The following USP19 variants were observed in gnomAD, a reference collection of about 807,000 sequenced individuals.
The protein encoded by USP19 is ubiquitin carboxyl-terminal hydrolase 19.
A neutral mutation model predicts 144.8 loss-of-function variants in USP19; 40 were observed. The observed-to-expected ratio is 0.28, with a 90% CI of 0.21 to 0.36. USP19 has a LOEUF of 0.36. USP19 is among the 10% of genes least tolerant of loss of function. USP19 has a pLI of 1.00. For missense variants in USP19, 1,518 were observed against 1,822.5 expected, an observed-to-expected ratio of 0.83 and a Z score of 3.04; for synonymous variants, 701 against 709.3, an observed-to-expected ratio of 0.99 and a Z score of 0.19.
rs778084590 is a variant in USP19 at position 49,119,194 on chromosome 3, G to A, written c.-49C>T. On this transcript the variant is annotated 5_prime_UTR_variant, in exon 2 of 27. It adds an upstream start codon to the 5' untranslated region. Coordinates refer to ENST00000417901, the MANE Select transcript of USP19 (RefSeq NM_001199161.2). ...AGAGTGCCCCGGGGTCGGCAACAGC[G>A]TCTGGGTCAGGGCTGCGGCGCTTTC... 16 of 1,590,248 alleles carry A rather than the reference G, an allele frequency of 1.0e-5. No individual in the cohort carries two copies. The highest frequency in any genetic ancestry group is 1.2e-5 in the Non-Finnish European group (14 of 1,170,262).
In USP19 at chr3:49,116,913, G is replaced by C. The variant is rs1198862581; in HGVS notation, c.940C>G (p.Pro314Ala). Residue 314 changes from proline to alanine, a missense_variant, in exon 7 of 27, where the codon CCG becomes GCG. By Grantham distance (27) the Pro-to-Ala change is conservative. Transcript: ENST00000417901. The surrounding 1 kb of genome is among the most constrained non-coding windows in gnomAD (Gnocchi z 5.0). ...AGGAGGCAGGTTTGGGAGTTCAGCGGTGGTATGCAAAGCTGTTCATCAGCC... is the reference window on the plus strand; with the variant it reads ...AGGAGGCAGGTTTGGGAGTTCAGCGCTGGTATGCAAAGCTGTTCATCAGCC... ...VEADEQLCIP[P>A]LNSQTCLLGS... 6.2e-7 allele frequency: 1 copy of C among 1,614,062 alleles called. No individual in the cohort carries two copies. Among genetic ancestry groups the C allele is most frequent in the Non-Finnish European group, 8.5e-7 (1 of 1,180,022 alleles).
At position 49,114,361 on chromosome 3, in the gene USP19, C is replaced by T. The variant is rs954953474; in HGVS notation, c.2293-77G>A. ...ATGCTCATGCTCAGAGAGCCCATTC[C>T]GGGGCTTCTGATGGCTCTCAGGGCC... On this transcript the variant is annotated intron_variant, in intron 15 of 26. Transcript: ENST00000417901. This position sits in a 1 kb window ranked among gnomAD's most constrained non-coding sequence, Gnocchi z 4.5. 3.8e-5 allele frequency: 55 copies of T among 1,431,022 alleles called. No individual in the cohort carries two copies. The highest frequency in any genetic ancestry group is 4.5e-5 in the Non-Finnish European group (47 of 1,033,140). 88.6% of individuals were successfully genotyped at this position (1,431,022 alleles called of 1,614,324 possible). A position where few individuals can be genotyped will look rare whatever the true frequency, so the allele number is the denominator to read the frequency against.
chr3:49,114,210 A>G lies in USP19; in HGVS notation c.2367T>C (p.Phe789=), dbSNP rs894556591. 5 of 1,614,090 alleles carry G rather than the reference A, an allele frequency of 3.1e-6. No individual in the cohort carries two copies. In the African/African-American group the frequency reaches 5.3e-5, roughly 17 times the overall value. ...LPQKQKVLPV[F]YFAREPHSKP... The stretch of plus-strand genomic sequence containing the variant: ...TGCTGTGGGGCTCTCGGGCAAAATA[A>G]AAGACAGGGAGAACCTTTTGCTTTT... The change falls in exon 16 of 27, where the codon TTT becomes TTC. Residue 789 remains phenylalanine (F), a synonymous_variant. Coordinates refer to ENST00000417901, the MANE Select transcript of USP19 (RefSeq NM_001199161.2). This position sits in a 1 kb window ranked among gnomAD's most constrained non-coding sequence, Gnocchi z 4.5.
chr3:49,117,340 C>T lies in USP19; in HGVS notation c.628G>A (p.Glu210Lys). Residue 210 changes from glutamate (E) to lysine (K), a missense_variant, in exon 6 of 27, where the codon GAG becomes AAG. This residue lies in a region of USP19 where 707 missense variants were observed against 728.9 expected (regional missense o/e 0.97). Coordinates refer to ENST00000417901, the MANE Select transcript of USP19 (RefSeq NM_001199161.2). This position sits in a 1 kb window ranked among gnomAD's most constrained non-coding sequence, Gnocchi z 4.4. Reference protein sequence around the residue: ...SLLKKPLGTQELVPGLRCQEN... With the variant: ...SLLKKPLGTQKLVPGLRCQEN... ...TGGCACCGCAGCCCCGGCACCAGCT[C>T]CTGGGTCCCTAGAGGTTTCTTCTGC... is the stretch of plus-strand genomic sequence containing the variant. The T allele has an allele frequency of 1.3e-6, 2 of 1,590,492 alleles. No individual in the cohort carries two copies. The highest frequency in any genetic ancestry group is 1.7e-6 in the Non-Finnish European group (2 of 1,165,356).
chr3:49,111,169 G>A lies in USP19; in HGVS notation c.3329-3C>T, dbSNP rs767662820. 1.9e-6 allele frequency: 3 copies of A among 1,613,962 alleles called. No homozygotes were observed. In the Admixed American group the frequency reaches 5.0e-5, roughly 27 times the overall value. On this transcript the variant is annotated splice_region_variant and splice_polypyrimidine_tract_variant and intron_variant, in intron 22 of 26. Transcript: ENST00000417901. The surrounding 1 kb of genome is among the most constrained non-coding windows in gnomAD (Gnocchi z 5.9). ...ACCCAGCTCCAGTGGGGTGTCTCCT[G>A]GAGATTCGCAGGGAGAGAGGTCATG...
In USP19 at chr3:49,111,521, C is replaced by G; in HGVS notation, c.3196G>C (p.Glu1066Gln). Residue 1066 changes from glutamate to glutamine, a missense_variant, in exon 21 of 27, where the codon GAG becomes CAG. Glu to Gln is a conservative substitution (Grantham distance 29). Transcript: ENST00000417901. The surrounding 1 kb of genome is among the most constrained non-coding windows in gnomAD (Gnocchi z 5.9). ...PIEVGSLPAG[E>Q]RVSRPEAAVP... ...TTACCTTCGGGTCGGGACACCCTCT[C>G]GCCAGCTGGCAAGGAGCCAACCTCA... The G allele has an allele frequency of 6.2e-7, 1 of 1,611,634 alleles. No homozygotes were observed. Among genetic ancestry groups the G allele is most frequent in the Non-Finnish European group, 8.5e-7 (1 of 1,179,946 alleles).
At position 49,114,100 on chromosome 3, in the gene USP19, C is replaced by CA. The variant is rs35267591; in HGVS notation, c.2404-8dup. 6.2e-7 allele frequency: 1 copy of CA among 1,614,154 alleles called. No individual in the cohort carries two copies. Among genetic ancestry groups the CA allele is most frequent in the East Asian group, 2.2e-5 (1 of 44,886 alleles). ...TGCTGACGCTCACCAGGAACTGTGG[C>CA]AAAAAGGGCAGTCAGTGAGGGAGGT... On this transcript the variant is annotated splice_polypyrimidine_tract_variant and splice_region_variant and intron_variant, in intron 16 of 26. Transcript: ENST00000417901. The surrounding 1 kb of genome is among the most constrained non-coding windows in gnomAD (Gnocchi z 4.5).
chr3:49,115,861 G>C lies in USP19; in HGVS notation c.1555C>G (p.Leu519Val), dbSNP rs755917653. The C allele has an allele frequency of 6.2e-6, 10 of 1,605,170 alleles. No individual in the cohort carries two copies. The South Asian group carries it at 1.1e-4, about 18-fold the overall frequency. ...STPPGGAPHPLTGQEEARAVE... is the reference protein window; with the variant it reads ...STPPGGAPHPVTGQEEARAVE... The stretch of plus-strand genomic sequence containing the variant: ...GCCCGGGCCTCCTCCTGGCCTGTCA[G>C]GGGGTGGGGAGCACCTCCTGGTGGG... The change falls in exon 11 of 27, where the codon CTG (leucine) becomes GTG (valine). Residue 519 changes from leucine to valine, a missense_variant. By Grantham distance (32) the Leu-to-Val change is conservative (BLOSUM62 1). Around this residue, in one of 5 missense-constraint regions of USP19, gnomAD observed 707 missense variants for 728.9 expected, o/e 0.97. Coordinates refer to ENST00000417901, the MANE Select transcript of USP19 (RefSeq NM_001199161.2). This position sits in a 1 kb window ranked among gnomAD's most constrained non-coding sequence, Gnocchi z 6.6.
At chr3:49,120,435 G>C (rs974515833) in intron 1 of USP19, 3 of 152,196 alleles carry the variant, frequency 2.0e-5, no homozygotes, top group East Asian at 1.9e-4. Context: ...AGAGACCCGA[G>C]CCGGCCTGAA....
rs1318251187 is a variant in USP19, at chr3:49,117,625, C to T, written c.472+32G>A. The T allele has an allele frequency of 1.2e-6, 2 of 1,613,976 alleles. No individual in the cohort carries two copies. The highest frequency in any genetic ancestry group is 2.2e-5 in the East Asian group (1 of 44,898). ...GATAGGAGATATCAGAAGATTCAAA[C>T]ATACTACTGTGCTCAGGGCAGATGG... On this transcript the variant is annotated intron_variant, in intron 4 of 26. Coordinates refer to ENST00000417901, the MANE Select transcript of USP19 (RefSeq NM_001199161.2). This position sits in a 1 kb window ranked among gnomAD's most constrained non-coding sequence, Gnocchi z 4.4.
chr3:49,113,294 T>A (rs2043482284), intron 17 of USP19, among the ~76,000 whole-genome samples: 1 of 152,190 alleles, frequency 6.6e-6, no homozygotes, highest in African/African-American at 2.4e-5. Flanking sequence ...ATTTTATTTT[T>A]GAGACAGAGT....
intron 17 of USP19, 24 bp downstream of exon 17, chr3:49,113,968 T>C (rs770404803): frequency 6.6e-5 from 107 of 1,612,022 alleles, no homozygotes; most frequent in Non-Finnish European, 8.7e-5. Context: ...ACACATGTGA[T>C]AGCCCAAGGA....
At position 49,114,433 on chromosome 3, in the gene USP19, G is replaced by A. The variant is rs975187589; in HGVS notation, c.2293-149C>T. On this transcript the variant is annotated intron_variant, in intron 15 of 26. Coordinates refer to ENST00000417901, the MANE Select transcript of USP19 (RefSeq NM_001199161.2). The surrounding 1 kb of genome is among the most constrained non-coding windows in gnomAD (Gnocchi z 4.5). ...CTCAGGCTTCAGGACACTAGACAGG[G>A]CAGGAGGACCACCAGGAAATAACAA... 2.8e-6 allele frequency: 2 copies of A among 706,598 alleles called. No individual in the cohort carries two copies. Among genetic ancestry groups the A allele is most frequent in the South Asian group, 1.9e-5 (1 of 53,954 alleles). 43.8% of individuals were successfully genotyped at this position (706,598 alleles called of 1,614,324 possible).
chr3:49,114,385 C>A lies in USP19; in HGVS notation c.2293-101G>T. 7 of 1,100,036 alleles carry A rather than the reference C, an allele frequency of 6.4e-6. No homozygotes were observed. The highest frequency in any genetic ancestry group is 9.3e-6 in the Non-Finnish European group (7 of 755,858). The allele number at this position is 1,100,036 out of a possible 1,614,324, so 68.1% of individuals were successfully genotyped here. The stretch of plus-strand genomic sequence containing the variant: ...CCGGGGCTTCTGATGGCTCTCAGGG[C>A]CCCCACAGCCAACCAGCAAACTCTC... On this transcript the variant is annotated intron_variant, in intron 15 of 26. Coordinates refer to ENST00000417901, the MANE Select transcript of USP19 (RefSeq NM_001199161.2). This position sits in a 1 kb window ranked among gnomAD's most constrained non-coding sequence, Gnocchi z 4.5.
Position 49,114,777 on chromosome 3 carries a change from G to A in USP19, c.2278C>T (p.Pro760Ser). ...QGQYKSKLVC[P>S]VCAKVSITFD... ...GCCCATCACACCTTGGCACACACAGGGCACACCAGCTTCGACTTGTACTGC... is the reference window on the plus strand; with the variant it reads ...GCCCATCACACCTTGGCACACACAGAGCACACCAGCTTCGACTTGTACTGC... Residue 760 changes from proline to serine, a missense_variant, in exon 15 of 27, where the codon CCT becomes TCT. By Grantham distance (74) the Pro-to-Ser change is moderately conservative. This residue lies in a region of USP19 where 158 missense variants were observed against 277.3 expected (regional missense o/e 0.57). Coordinates refer to ENST00000417901, the MANE Select transcript of USP19 (RefSeq NM_001199161.2). This position sits in a 1 kb window ranked among gnomAD's most constrained non-coding sequence, Gnocchi z 4.5. 1 of 1,614,120 alleles carries A rather than the reference G, an allele frequency of 6.2e-7. No individual in the cohort carries two copies. The highest frequency in any genetic ancestry group is 8.5e-7 in the Non-Finnish European group (1 of 1,180,022).
rs747637553 is a variant in USP19 at position 49,111,954 on chromosome 3, G to T, written c.2860C>A (p.Leu954Ile). Residue 954 changes from leucine to isoleucine, a missense_variant, in exon 20 of 27, where the codon CTC (leucine) becomes ATC (isoleucine). Physicochemically the swap from Leu to Ile is conservative, Grantham distance 5. This residue lies in a region of USP19 where 413 missense variants were observed against 515.8 expected (regional missense o/e 0.80). Transcript: ENST00000417901. This position sits in a 1 kb window ranked among gnomAD's most constrained non-coding sequence, Gnocchi z 5.9. ...PFLVSVPASR[L>I]TYARLAQLLE... ...AACTGAGCGAGGCGGGCATAAGTGAGGCGTGAGGCAGGTACACTGACCAGG... is the reference window on the plus strand; with the variant it reads ...AACTGAGCGAGGCGGGCATAAGTGATGCGTGAGGCAGGTACACTGACCAGG... The T allele has an allele frequency of 6.2e-7, 1 of 1,614,112 alleles. No individual in the cohort carries two copies. The highest frequency in any genetic ancestry group is 1.7e-5 in the Admixed American group (1 of 60,030).
At chr3:49,119,603 C>T in intron 1 of USP19, among the ~76,000 whole-genome samples, 1 of 152,326 alleles carries the variant, frequency 6.6e-6, no homozygotes, top group East Asian at 1.9e-4. Context: ...CTCCAGCCCA[C>T]AGGGCTGGCA....
At position 49,110,762 on chromosome 3, in the gene USP19, C is replaced by T. The variant is rs761049999; in HGVS notation, c.3647G>A (p.Arg1216His). 11 of 1,614,030 alleles carry T rather than the reference C, an allele frequency of 6.8e-6. No individual in the cohort carries two copies. Among genetic ancestry groups the T allele is most frequent in the African/African-American group, 2.7e-5 (2 of 74,924 alleles). The change falls in exon 24 of 27, where the codon CGT becomes CAT. Residue 1216 changes from arginine to histidine, a missense_variant. This residue lies in a region of USP19 where 122 missense variants were observed against 200.4 expected (regional missense o/e 0.61). Transcript: ENST00000417901. The surrounding 1 kb of genome is among the most constrained non-coding windows in gnomAD (Gnocchi z 6.1). ...GATCTTGTCACGCCAGATAAAACTA[C>T]GAAAGGAGAAGCGCTTGAGCTGCAC... ...LIVQLKRFSF[R>H]SFIWRDKIND...
chr3:49,112,154 C>G lies in USP19; in HGVS notation c.2766-106G>C, dbSNP rs1325165144. ...GGAACTGGGTACGCCAGCCCTGCCTCCCCCAGAGCCTGGTAAAGTAGGGTG... is the reference window on the plus strand; with the variant it reads ...GGAACTGGGTACGCCAGCCCTGCCTGCCCCAGAGCCTGGTAAAGTAGGGTG... On this transcript the variant is annotated intron_variant, in intron 19 of 26. Transcript: ENST00000417901. The surrounding 1 kb of genome is among the most constrained non-coding windows in gnomAD (Gnocchi z 4.9). The G allele has an allele frequency of 1.9e-6, 3 of 1,546,552 alleles. No individual in the cohort carries two copies. The African/African-American group carries it at 4.1e-5, about 21-fold the overall frequency.
Sources: gnomAD v4.1 joint callset for allele counts (sites outside exome capture counted in the v4.1 genomes callset) on GRCh38, gnomAD v4.1.1 for gene constraint, gnomAD v4.1.1 regional missense constraint, Gnocchi (gnomAD v3.1) non-coding constraint, MANE v1.5 for transcripts, NCBI Gene and HGNC (gene_info 2026-07-23, HGNC 2026-07-21) for gene names.